ZMYM1: variants seen among roughly 807,000 people sequenced by gnomAD.
ZMYM1 encodes the protein zinc finger MYM-type containing 1.
ZMYM1 carries 39 observed loss-of-function variants against 60.0 expected under a neutral mutation model. That is an observed-to-expected ratio of 0.65 (90% CI 0.50 to 0.85). The LOEUF is 0.85. ZMYM1 is among the 40% of genes least tolerant of loss of function. The pLI, the probability that ZMYM1 is intolerant of heterozygous loss-of-function variation, is 0.00. For synonymous variants in ZMYM1, 413 were observed against 454.0 expected, an observed-to-expected ratio of 0.91 and a Z score of 1.15; for missense variants, 1,171 against 1,309.5, an observed-to-expected ratio of 0.89 and a Z score of 1.63.
intron 1 of ZMYM1, among the ~76,000 whole-genome samples, chr1:35,070,253 T>C (rs1019882772): frequency 4.6e-5 from 7 of 152,202 alleles, no homozygotes; most frequent in African/African-American, 1.4e-4. Flanking sequence ...TGGGTATTTT[T>C]CAATTTCTTT....
chr1:35,094,226 G>GC, intron 2 of ZMYM1, 143 bp downstream of exon 2: 1 of 589,434 alleles, frequency 1.7e-6, no homozygotes, highest in Non-Finnish European at 2.8e-6. Context: ...AAGGTATATG[G>GC]TGTTAAGTGC....
At chr1:35,062,330 T>A (rs547889764) in intron 1 of ZMYM1, among the ~76,000 whole-genome samples, 2 of 152,336 alleles carry the variant, frequency 1.3e-5, no homozygotes, top group African/African-American at 4.8e-5. Context: ...ACACTAGTTA[T>A]TCTTTGCTCT....
chr1:35,114,621 G>GA lies in ZMYM1; in HGVS notation c.2796dup (p.Pro933ThrfsTer20). 6.2e-7 allele frequency: 1 copy of GA among 1,607,140 alleles called. No individual in the cohort carries two copies. The highest frequency in any genetic ancestry group is 1.1e-5 in the South Asian group (1 of 89,046). On this transcript the variant is annotated frameshift_variant, in exon 10 of 10. Coordinates refer to ENST00000359858, the MANE Select transcript of ZMYM1 (RefSeq NM_024772.5). LOFTEE classifies it low-confidence loss of function (END_TRUNC). ...AATAACCTGTAAAGGTTTTAAAGTT[G>GA]AAAAACCTTCTCTTCAGAAAAGAAG... is the stretch of plus-strand genomic sequence containing the variant.
chr1:35,109,219 G>T (rs915505876), intron 6 of ZMYM1, among the ~76,000 whole-genome samples: 1 of 151,892 alleles, frequency 6.6e-6, no homozygotes, highest in Non-Finnish European at 1.5e-5. Context: ...ATTTATTAGA[G>T]ATGAGGTATC....
At chr1:35,108,113 AAAAT>A (rs546330155) in intron 6 of ZMYM1, among the ~76,000 whole-genome samples, 12 of 152,288 alleles carry the variant, frequency 7.9e-5, no homozygotes, top group East Asian at 3.9e-4. Flanking sequence ...CTCTGTCTCA[AAAAT>A]AAATAAATAA....
At chr1:35,062,030 C>T (rs1345827582) in intron 1 of ZMYM1, among the ~76,000 whole-genome samples, 3 of 151,950 alleles carry the variant, frequency 2.0e-5, no homozygotes, top group African/African-American at 7.2e-5. Flanking sequence ...TGGGGTTTCA[C>T]CATGTTGGCC....
chr1:35,067,457 T>G (rs1285752519), intron 1 of ZMYM1, among the ~76,000 whole-genome samples: 1 of 151,822 alleles, frequency 6.6e-6, no homozygotes, highest in Non-Finnish European at 1.5e-5. Flanking sequence ...CTGGCTAATT[T>G]TTTTTTTAAT....
At chr1:35,107,482 A>C (rs537598320) in intron 6 of ZMYM1, among the ~76,000 whole-genome samples, 9 of 151,526 alleles carry the variant, frequency 5.9e-5, no homozygotes, top group African/African-American at 1.9e-4. Context: ...AAAAAAAAAA[A>C]AAACCTGTAT....
intron 1 of ZMYM1, among the ~76,000 whole-genome samples, chr1:35,084,239 G>C (rs1642541244): frequency 6.9e-6 from 1 of 144,278 alleles, no homozygotes; most frequent in Non-Finnish European, 1.5e-5. Flanking sequence ...TCTTTCCTCT[G>C]TTTTCTCAAA....
At position 35,085,346 on chromosome 1, in the gene ZMYM1, C is replaced by A. The variant is rs568911777; in HGVS notation, c.-75+5904C>A. ...ACAGGCGTGAGCCACCGCGCCCGGC[C>A]CCCATATTATTTTTACTTCATGCTA... On this transcript the variant is annotated intron_variant, in intron 1 of 9. Transcript: ENST00000359858. Among the ~76,000 whole-genome samples, 5 of 152,258 alleles carry A rather than the reference C, an allele frequency of 3.3e-5. No individual in the cohort carries two copies. The East Asian group carries it at 9.7e-4, about 29-fold the overall frequency.
chr1:35,089,077 G>A (rs767664907), intron 1 of ZMYM1, among the ~76,000 whole-genome samples: 13 of 151,996 alleles, frequency 8.6e-5, no homozygotes, highest in African/African-American at 2.4e-4. Flanking sequence ...CTCCCAGAGC[G>A]CAGGGATTTC....
In ZMYM1 at chr1:35,114,195, C is replaced by T. The variant is rs774144319; in HGVS notation, c.2365C>T (p.Arg789Ter). 2 of 1,612,138 alleles carry T rather than the reference C, an allele frequency of 1.2e-6. No individual in the cohort carries two copies. The highest frequency in any genetic ancestry group is 1.7e-6 in the Non-Finnish European group (2 of 1,179,492). The change falls in exon 10 of 10, where the codon CGA becomes TGA. Residue 789 changes from arginine to a stop codon, truncating the protein, a stop_gained. Coordinates refer to ENST00000359858, the MANE Select transcript of ZMYM1 (RefSeq NM_024772.5). LOFTEE classifies it high-confidence loss of function. ...CMSGEMLANF[R>*]NIYRLSQNKT... ...GTCTGGGGAAATGTTGGCAAATTTT[C>T]GAAACATTTATAGGCTAAGTCAAAA...
intron 4 of ZMYM1, among the ~76,000 whole-genome samples, chr1:35,099,195 A>G (rs1386381379): frequency 6.6e-6 from 1 of 152,126 alleles, no homozygotes; most frequent in Non-Finnish European, 1.5e-5. Context: ...CTGCTGCTTC[A>G]GTTATTATCT....
intron 6 of ZMYM1, among the ~76,000 whole-genome samples, chr1:35,109,895 C>T (rs983844732): frequency 5.3e-5 from 8 of 152,060 alleles, no homozygotes; most frequent in African/African-American, 1.4e-4. Context: ...TACAGGCGCT[C>T]GCCACTACAC....
chr1:35,078,698 G>C (rs1187048718), upstream of ZMYM1, among the ~76,000 whole-genome samples: 3 of 151,614 alleles, frequency 2.0e-5, no homozygotes, highest in East Asian at 5.8e-4. Context: ...ACAGGCGCCC[G>C]CCTCCATGCC....
chr1:35,097,587 C>T (rs751542205), intron 4 of ZMYM1, 21 bp downstream of exon 4: 1 of 1,611,798 alleles, frequency 6.2e-7, no homozygotes, highest in African/African-American at 1.3e-5. Flanking sequence ...CTAAATTATG[C>T]CCCCTTTTAT....
intron 1 of ZMYM1, among the ~76,000 whole-genome samples, chr1:35,089,044 C>T (rs1016082068): frequency 1.3e-5 from 2 of 151,992 alleles, no homozygotes; most frequent in African/African-American, 4.8e-5. Flanking sequence ...GAACTCCCGA[C>T]CTCCTCATCC....
chr1:35,113,317 C>A lies in ZMYM1; in HGVS notation c.1487C>A (p.Ala496Glu), dbSNP rs1343918574. The change falls in exon 10 of 10, where the codon GCA (alanine) becomes GAA (glutamate). Residue 496 changes from alanine (A) to glutamate (E), a missense_variant. Transcript: ENST00000359858. ...TTTAGCTGTGGAAGAGAGTCATTTG[C>A]AACCCACGGAACTTCTAATTGGAAA... ...KYFSCGRESF[A>E]THGTSNWKKT... 6.2e-7 allele frequency: 1 copy of A among 1,612,816 alleles called. No individual in the cohort carries two copies. Among genetic ancestry groups the A allele is most frequent in the Non-Finnish European group, 8.5e-7 (1 of 1,179,248 alleles).
intron 6 of ZMYM1, among the ~76,000 whole-genome samples, chr1:35,107,319 A>G (rs1643924581): frequency 6.7e-6 from 1 of 150,220 alleles, no homozygotes; most frequent in Admixed American, 6.6e-5. Flanking sequence ...AAAAAAAAAA[A>G]TTAGCGGGGT....
Sources: allele counts gnomAD v4.1 joint callset (sites outside exome capture counted in the v4.1 genomes callset), GRCh38; gene constraint gnomAD v4.1.1; transcripts MANE v1.5; gene names NCBI Gene and HGNC (gene_info 2026-07-23, HGNC 2026-07-21).